Variants in YAP1 observed in about 807,000 individuals in gnomAD.
YAP1 encodes the protein Yes1 associated transcriptional regulator.
Under a neutral mutation model 56.9 loss-of-function variants are expected in YAP1, and 5 were observed. The ratio of observed to expected loss-of-function variants is 0.09; its 90% CI spans 0.05 to 0.18. The LOEUF is 0.18. YAP1 is among the 10% of genes least tolerant of loss of function. The pLI is 1.00. For synonymous variants in YAP1, 265 were observed against 248.1 expected (o/e 1.07, Z -0.64); for missense variants, 539 against 651.8 (o/e 0.83, Z 1.88).
chr11:102,190,280 A>G (rs1032478713), intron 4 of YAP1, among the ~76,000 whole-genome samples: 1 of 152,110 alleles, frequency 6.6e-6, no homozygotes, highest in African/African-American at 2.4e-5. Flanking sequence ...TTAATTACTT[A>G]GCGTACAGAG....
chr11:102,199,906 A>G (rs1228277433), intron 4 of YAP1, among the ~76,000 whole-genome samples: 1 of 152,254 alleles, frequency 6.6e-6, no homozygotes, highest in East Asian at 1.9e-4. Flanking sequence ...TCACAGAGTC[A>G]CAAATTGTCT....
At chr11:102,184,763 G>C (rs1947857116) in intron 3 of YAP1, among the ~76,000 whole-genome samples, 1 of 152,190 alleles carries the variant, frequency 6.6e-6, no homozygotes, top group South Asian at 2.1e-4. Flanking sequence ...TTTGTGCATA[G>C]GAGGGATACT....
At chr11:102,197,332 T>C (rs1362139657) in intron 4 of YAP1, among the ~76,000 whole-genome samples, 1 of 152,242 alleles carries the variant, frequency 6.6e-6, no homozygotes, top group Admixed American at 6.5e-5. Flanking sequence ...TTTATTATTG[T>C]AAATGTATAC....
chr11:102,183,137 TTC>T (rs1947729417), intron 3 of YAP1, among the ~76,000 whole-genome samples: 2 of 152,196 alleles, frequency 1.3e-5, no homozygotes, highest in Admixed American at 1.3e-4. Context: ...GGAAACTAAT[TTC>T]TGTCTGAGGT....
At chr11:102,224,974 C>T (rs1400239196) in intron 7 of YAP1, among the ~76,000 whole-genome samples, 1 of 152,126 alleles carries the variant, frequency 6.6e-6, no homozygotes, top group East Asian at 1.9e-4. Context: ...GGATAGGCTG[C>T]ATATCCTTCT....
intron 2 of YAP1, among the ~76,000 whole-genome samples, chr11:102,147,561 G>C (rs1945395547): frequency 6.6e-6 from 1 of 152,124 alleles, no homozygotes; most frequent in South Asian, 2.1e-4. Flanking sequence ...ATGAGGAAAA[G>C]AAGTTCAAAG....
chr11:102,228,978 C>T (rs947206920), intron 8 of YAP1, among the ~76,000 whole-genome samples: 1 of 152,312 alleles, frequency 6.6e-6, no homozygotes, highest in South Asian at 2.1e-4. Context: ...ACTTCAAACC[C>T]ATTTCACACA....
chr11:102,162,987 AT>A (rs34380636), intron 3 of YAP1, among the ~76,000 whole-genome samples: 121,417 of 130,156 alleles, frequency 0.93, 56,793 homozygotes, highest in East Asian at 0.99. Flanking sequence ...TTTTTTTTTC[AT>A]TTTTTTTTTT....
At chr11:102,210,732 T>C (rs1037386697) in intron 6 of YAP1, among the ~76,000 whole-genome samples, 1 of 152,060 alleles carries the variant, frequency 6.6e-6, no homozygotes, top group Non-Finnish European at 1.5e-5. Flanking sequence ...GTGTTTGTTT[T>C]GTTTTGTCTT....
At chr11:102,113,979 A>C (rs1347479214) in intron 1 of YAP1, among the ~76,000 whole-genome samples, 165 bp from the exon 2 acceptor site, 1 of 152,102 alleles carries the variant, frequency 6.6e-6, no homozygotes, top group Non-Finnish European at 1.5e-5. Context: ...ATAATATTAA[A>C]AGTATCCATT....
rs1449001019 is a variant in YAP1, at chr11:102,232,816, T to C, written c.*2876T>C. On this transcript the variant is annotated 3_prime_UTR_variant, in exon 9 of 9. Coordinates refer to ENST00000282441, the MANE Select transcript of YAP1 (RefSeq NM_001130145.3). ...ACTTATGGTTGATGGAGCACATTGA[T>C]TTGGAGTTTCAGATCTTCCAAAGCA... The C allele has an allele frequency of 1.3e-5, 2 of 152,662 alleles. No homozygotes were observed. The highest frequency in any genetic ancestry group is 2.9e-5 in the Non-Finnish European group (2 of 68,028). The allele number at this position is 152,662 out of a possible 1,614,324, so 9.5% of individuals were successfully genotyped here.
rs1054038016 is a variant in YAP1, at chr11:102,230,494, T to G, written c.*554T>G. On this transcript the variant is annotated 3_prime_UTR_variant, in exon 9 of 9. Coordinates refer to ENST00000282441, the MANE Select transcript of YAP1 (RefSeq NM_001130145.3). ...ACTGTTTTACTTTCAGTATTTTCTTTTCCTCCTAGTGCTATCATTAGTCAC... is the reference window on the plus strand; with the variant it reads ...ACTGTTTTACTTTCAGTATTTTCTTGTCCTCCTAGTGCTATCATTAGTCAC... 3.3e-5 allele frequency: 5 copies of G among 153,396 alleles called. No homozygotes were observed. Among genetic ancestry groups the G allele is most frequent in the Admixed American group, 3.2e-4 (5 of 15,390 alleles). The allele number at this position is 153,396 out of a possible 1,614,324, so 9.5% of individuals were successfully genotyped here. A position where few individuals can be genotyped will look rare whatever the true frequency, so the allele number is the denominator to read the frequency against.
chr11:102,131,527 T>C (rs1055602385), intron 2 of YAP1, among the ~76,000 whole-genome samples: 2 of 152,222 alleles, frequency 1.3e-5, no homozygotes, highest in Non-Finnish European at 2.9e-5. Flanking sequence ...TGTTCAGCAT[T>C]ATGTGTGTAG....
At chr11:102,187,023 C>T (rs1948000308) in intron 4 of YAP1, among the ~76,000 whole-genome samples, 2 of 152,038 alleles carry the variant, frequency 1.3e-5, no homozygotes, top group East Asian at 1.9e-4. Flanking sequence ...GGACTCGGAA[C>T]CTTTGAAGCT....
chr11:102,178,161 G>A (rs547603187), intron 3 of YAP1, among the ~76,000 whole-genome samples: 1 of 152,160 alleles, frequency 6.6e-6, no homozygotes, highest in East Asian at 1.9e-4. Flanking sequence ...CGTGTACATA[G>A]TAAGAACAGT....
intron 1 of YAP1, 34 bp downstream of exon 1, chr11:102,111,203 C>T (rs761459085): frequency 3.2e-5 from 52 of 1,607,006 alleles, no homozygotes. Flanking sequence ...GTTTCCCCGT[C>T]GGGCGGGCCT....
At chr11:102,191,988 G>A (rs940519828) in intron 4 of YAP1, among the ~76,000 whole-genome samples, 9 of 152,064 alleles carry the variant, frequency 5.9e-5, no homozygotes, top group African/African-American at 1.7e-4. Flanking sequence ...TTCTAATTAC[G>A]TAAGAGAATT....
chr11:102,110,627 C>T lies in YAP1; in HGVS notation c.-222C>T, dbSNP rs1334052764. 1 of 267,266 alleles carries T rather than the reference C, an allele frequency of 3.7e-6. No homozygotes were observed. The highest frequency in any genetic ancestry group is 6.6e-6 in the Non-Finnish European group (1 of 150,942). 16.6% of individuals were successfully genotyped at this position (267,266 alleles called of 1,614,324 possible). The stretch of plus-strand genomic sequence containing the variant: ...GAGTGCCTCGCAGCCCCTCCCGAGG[C>T]GCAGCCGCCAGACCAGTGGAGCCGG... On this transcript the variant is annotated 5_prime_UTR_variant, in exon 1 of 9. Transcript: ENST00000282441.
intron 3 of YAP1, among the ~76,000 whole-genome samples, chr11:102,185,780 T>A (rs957008925): frequency 1.3e-4 from 20 of 150,704 alleles, no homozygotes; most frequent in African/African-American, 3.5e-4. Context: ...TGGAAAAAAA[T>A]TTTTTTTCTT....
Sources: allele counts gnomAD v4.1 joint callset (sites outside exome capture counted in the v4.1 genomes callset), GRCh38; gene constraint gnomAD v4.1.1; transcripts MANE v1.5; gene names NCBI Gene and HGNC (gene_info 2026-07-23, HGNC 2026-07-21).